The following PDZD9 variants were observed in gnomAD, a reference collection of about 807,000 sequenced individuals.
PDZD9 encodes PDZ domain containing 9.
A neutral mutation model predicts 16.3 loss-of-function variants in PDZD9; 13 were observed. That is an observed-to-expected ratio of 0.80 (90% CI 0.52 to 1.27). PDZD9 has a LOEUF of 1.27. Among genes scored for constraint, PDZD9 ranks in the 50% most tolerant of loss-of-function variants. The pLI is 0.00. For synonymous variants in PDZD9, 120 were observed against 111.0 expected (o/e 1.08, Z -0.51); for missense variants, 288 against 310.9 (o/e 0.93, Z 0.55).
the PDZD9 span, among the ~76,000 whole-genome samples, chr16:21,963,505 G>A: frequency 6.6e-6 from 1 of 151,930 alleles, no homozygotes; most frequent in Non-Finnish European, 1.5e-5. Flanking sequence ...GGTGTTGCTT[G>A]TTGCCCAGGC....
downstream of PDZD9, among the ~76,000 whole-genome samples, chr16:21,981,725 T>G (rs1898733722): frequency 6.6e-6 from 1 of 151,932 alleles, no homozygotes; most frequent in South Asian, 2.1e-4. Flanking sequence ...ATCATGCCAC[T>G]GTACTCCAGG....
downstream of PDZD9, chr16:21,983,282 A>G: frequency 1.1e-6 from 1 of 895,964 alleles, no homozygotes; most frequent in Non-Finnish European, 1.7e-6. Context: ...CCAGTGAGGT[A>G]AAATAAGGCA....
At chr16:21,961,560 A>C in the PDZD9 span, 1 of 149,650 alleles carries the variant, frequency 6.7e-6, no homozygotes, top group East Asian at 2.0e-4. Flanking sequence ...TTGGAAGGGT[A>C]CGAAAAGATC....
At position 21,988,667 on chromosome 16, in the gene PDZD9, A is replaced by T; in HGVS notation, c.336T>A (p.Ile112=). Residue 112 remains isoleucine (I), a synonymous_variant, in exon 3 of 4, where the codon ATT becomes ATA. Coordinates refer to ENST00000424898, the MANE Select transcript of PDZD9 (RefSeq NM_001363519.1). The part of the protein sequence containing the change: ...VLQIKVYRDF[I]NIPEEWQEIY... ...TTTCTTGCCATTCTTCAGGAATGTT[A>T]ATAAAATCTCGGTAAACCTTGATTT... is the stretch of plus-strand genomic sequence containing the variant. 1 of 1,613,444 alleles carries T rather than the reference A, an allele frequency of 6.2e-7. No individual in the cohort carries two copies. Among genetic ancestry groups the T allele is most frequent in the Non-Finnish European group, 8.5e-7 (1 of 1,179,624 alleles).
chr16:21,992,212 G>A (rs550792038), intron 2 of PDZD9, among the ~76,000 whole-genome samples: 5 of 152,228 alleles, frequency 3.3e-5, no homozygotes, highest in South Asian at 4.2e-4. Context: ...ACTCCAGCCT[G>A]TGTGACAGTG....
chr16:21,996,814 C>T (rs1179164879), intron 1 of PDZD9, among the ~76,000 whole-genome samples: 5 of 152,064 alleles, frequency 3.3e-5, no homozygotes, highest in Non-Finnish European at 7.4e-5. Context: ...GTGAGCAAAA[C>T]AGATGTGTTG....
At chr16:21,976,465 G>C in the PDZD9 span, 1 of 426,684 alleles carries the variant, frequency 2.3e-6, no homozygotes, top group Non-Finnish European at 4.2e-6. Context: ...GCCAAGGCAG[G>C]TGGTTCATTT....
chr16:21,961,330 A>T, the PDZD9 span: 1 of 448,748 alleles, frequency 2.2e-6, no homozygotes, highest in East Asian at 7.1e-5. Context: ...ATCTTTAGGG[A>T]AATGGGTAAA....
At chr16:21,980,817 CTACT>C (rs1427718353), downstream of PDZD9, 1 of 1,230,468 alleles carries the variant, frequency 8.1e-7, no homozygotes, top group African/African-American at 1.5e-5. Flanking sequence ...TGGTGCTCAT[CTACT>C]TAATGTGGAG....
the PDZD9 span, chr16:21,968,819 C>A: frequency 1.6e-6 from 1 of 618,494 alleles, no homozygotes; most frequent in South Asian, 4.6e-5. Context: ...GGCAATATAT[C>A]ATAGGATTTT....
At chr16:21,983,737 T>A (rs35176047), downstream of PDZD9, 12,601 of 153,842 alleles carry the variant, frequency 0.082, 761 homozygotes, top group South Asian at 0.25. Flanking sequence ...TCTCATCTCC[T>A]GTCTCTCCCT....
chr16:22,000,882 G>GATA, intron 1 of PDZD9, 135 bp downstream of exon 1: 1 of 749,178 alleles, frequency 1.3e-6, no homozygotes, highest in Non-Finnish European at 2.2e-6. Context: ...TGATAATGAT[G>GATA]ATGATGATAA....
rs548701580 is a variant in PDZD9, at chr16:21,984,423, C to T, written c.639G>A (p.Lys213=). The T allele has an allele frequency of 2.3e-5, 37 of 1,614,142 alleles. 2 individuals are homozygous for T. The South Asian group carries it at 3.8e-4, about 17-fold the overall frequency. Reference sequence around the variant, plus strand: ...ATGGAGAAGGGGCCCTCACTTCTTTCTTGTCGTCTCTGTGAATCATCACGT... The same window carrying T: ...ATGGAGAAGGGGCCCTCACTTCTTTTTTGTCGTCTCTGTGAATCATCACGT... ...NCDVMIHRDD[K]KEVRAPSPYW... The change falls in exon 4 of 4, where the codon AAG becomes AAA. Residue 213 remains lysine, a synonymous_variant. Coordinates refer to ENST00000424898, the MANE Select transcript of PDZD9 (RefSeq NM_001363519.1).
chr16:21,998,989 C>A (rs1375733512), intron 1 of PDZD9: 2 of 222,008 alleles, frequency 9.0e-6, no homozygotes, highest in South Asian at 8.6e-5. Flanking sequence ...CATATGAAGT[C>A]ACTACTTTAA....
intron 3 of PDZD9, among the ~76,000 whole-genome samples, chr16:21,988,136 T>C (rs1360269389): frequency 6.7e-6 from 1 of 149,940 alleles, no homozygotes; most frequent in African/African-American, 2.4e-5. Flanking sequence ...GCCTCCCGAA[T>C]AGCTGGAATT....
chr16:21,994,756 C>T (rs1899104056), intron 2 of PDZD9, among the ~76,000 whole-genome samples: 1 of 152,154 alleles, frequency 6.6e-6, no homozygotes. Context: ...AACATGGTCC[C>T]TGAATCCCCA....
the PDZD9 span, among the ~76,000 whole-genome samples, chr16:21,961,980 G>T: frequency 6.6e-6 from 1 of 151,986 alleles, no homozygotes; most frequent in African/African-American, 2.4e-5. Context: ...TAAGTGTGCA[G>T]TTAAGTGGCA....
At chr16:21,966,352 G>A in the PDZD9 span, among the ~76,000 whole-genome samples, 43 of 152,152 alleles carry the variant, frequency 2.8e-4, no homozygotes, top group African/African-American at 1.0e-3. Flanking sequence ...ACATGCCACA[G>A]CCATATGTGC....
Position 21,996,386 on chromosome 16 carries a change from G to A in PDZD9, c.147C>T (p.Pro49=). ...TGATGAGGTGGGTGATCTGGAGGTAGGGTCCATGCTGGATGATGATGAGGC... is the reference window on the plus strand; with the variant it reads ...TGATGAGGTGGGTGATCTGGAGGTAAGGTCCATGCTGGATGATGATGAGGC... The part of the protein sequence containing the change: ...GLGLIIIQHG[P]YLQITHLIRK... Residue 49 remains proline (P), a synonymous_variant, in exon 2 of 4, where the codon CCC becomes CCT. Transcript: ENST00000424898. 1 of 1,536,076 alleles carries A rather than the reference G, an allele frequency of 6.5e-7. No individual in the cohort carries two copies. The highest frequency in any genetic ancestry group is 2.4e-5 in the East Asian group (1 of 40,920).
Sources: gnomAD v4.1 joint callset for allele counts (sites outside exome capture counted in the v4.1 genomes callset) on GRCh38, gnomAD v4.1.1 for gene constraint, MANE v1.5 for transcripts, NCBI Gene and HGNC (gene_info 2026-07-23, HGNC 2026-07-21) for gene names.